LYPLA1: variants seen among roughly 807,000 people sequenced by gnomAD.
The protein encoded by LYPLA1 is acyl-protein thioesterase 1.
LYPLA1 carries 17 observed loss-of-function variants against 34.0 expected under a neutral mutation model. The observed-to-expected ratio is 0.50, with a 90% CI of 0.34 to 0.75. The LOEUF (loss-of-function observed/expected upper bound fraction) is 0.75. LYPLA1 is among the 30% of genes least tolerant of loss of function. The pLI, the probability that LYPLA1 is intolerant of heterozygous loss-of-function variation, is 0.01. For synonymous variants in LYPLA1, 98 were observed against 100.8 expected (o/e 0.97, Z 0.17); for missense variants, 203 against 288.8 (o/e 0.70, Z 2.15).
At chr8:54,049,530 T>C (rs897580521) in intron 8 of LYPLA1, among the ~76,000 whole-genome samples, 2 of 152,134 alleles carry the variant, frequency 1.3e-5, no homozygotes, top group South Asian at 4.1e-4. Flanking sequence ...TCTAGAGTAA[T>C]TGGAACCACA....
chr8:54,055,402 C>T (rs185740945), intron 5 of LYPLA1, among the ~76,000 whole-genome samples: 5 of 152,056 alleles, frequency 3.3e-5, no homozygotes, highest in East Asian at 1.9e-4. Flanking sequence ...AAGAAGTGAA[C>T]GGTCTCTATA....
At chr8:54,067,322 C>G (rs562875639) in intron 2 of LYPLA1, among the ~76,000 whole-genome samples, 1 of 152,136 alleles carries the variant, frequency 6.6e-6, no homozygotes, top group East Asian at 1.9e-4. Flanking sequence ...ATAGTAAGAC[C>G]CACTCTACAG....
intron 2 of LYPLA1, among the ~76,000 whole-genome samples, chr8:54,071,649 A>T (rs1013299036): frequency 6.6e-6 from 1 of 152,184 alleles, no homozygotes; most frequent in African/African-American, 2.4e-5. Flanking sequence ...CCACAAAAAG[A>T]ATAAAATACC....
chr8:54,045,117 T>G (rs141019327), downstream of LYPLA1, among the ~76,000 whole-genome samples: 28 of 152,348 alleles, frequency 1.8e-4, no homozygotes, highest in East Asian at 5.4e-3. Context: ...AGTTTCCTTC[T>G]CTAGAGTTTC....
intron 2 of LYPLA1, among the ~76,000 whole-genome samples, chr8:54,070,344 A>G (rs1424627005): frequency 1.3e-5 from 2 of 152,130 alleles, no homozygotes; most frequent in African/African-American, 2.4e-5. Context: ...CAACAACAAA[A>G]AACTTGTACA....
rs36051350 is a variant in LYPLA1, at chr8:54,095,034, A to AT, written c.101+5873dup. On this transcript the variant is annotated intron_variant, in intron 2 of 8. Transcript: ENST00000316963. ...TAAATAATAAATCCAGAATAAAGGA[A>AT]TTTTTTTTTTTTTTGAGACTGAGTC... 4.5e-3 allele frequency among the ~76,000 whole-genome samples: 656 copies of AT among 146,522 alleles called. 3 individuals are homozygous for AT. The highest frequency in any genetic ancestry group is 0.011 in the African/African-American group (447 of 40,294).
chr8:54,096,261 TA>T (rs1484558825), intron 2 of LYPLA1, among the ~76,000 whole-genome samples: 1 of 152,190 alleles, frequency 6.6e-6, no homozygotes, highest in African/African-American at 2.4e-5. Flanking sequence ...AATGAAAAGT[TA>T]AAAAGTTTAA....
At chr8:54,057,613 CTG>C (rs1806300253) in intron 5 of LYPLA1, among the ~76,000 whole-genome samples, 1 of 152,068 alleles carries the variant, frequency 6.6e-6, no homozygotes, top group African/African-American at 2.4e-5. Flanking sequence ...CTAAAACTAA[CTG>C]AACTAACAGA....
At chr8:54,095,574 T>A (rs1035927063) in intron 2 of LYPLA1, among the ~76,000 whole-genome samples, 4 of 152,204 alleles carry the variant, frequency 2.6e-5, no homozygotes, top group African/African-American at 7.2e-5. Flanking sequence ...AGACACCATC[T>A]TAACCAAGTG....
chr8:54,052,794 T>C (rs16919924), intron 6 of LYPLA1, 38 bp from the exon 7 acceptor site: 55,228 of 1,294,454 alleles, frequency 0.043, 6,369 homozygotes, highest in African/African-American at 0.41. Context: ...GGAACACACA[T>C]GCTTGCCCAC....
intron 2 of LYPLA1, among the ~76,000 whole-genome samples, chr8:54,074,693 C>T (rs1324574750): frequency 6.6e-6 from 1 of 152,222 alleles, no homozygotes; most frequent in African/African-American, 2.4e-5. Context: ...CAGCGATGCC[C>T]AACTTACCAA....
chr8:54,092,359 G>GGAGGAGGAAGAGGAGGAGAAT (rs1809363314), intron 2 of LYPLA1, among the ~76,000 whole-genome samples: 2 of 151,710 alleles, frequency 1.3e-5, no homozygotes, highest in Non-Finnish European at 2.9e-5. Flanking sequence ...AGGAGGAGAA[G>GGAGGAGGAAGAGGAGGAGAAT]GAGAAGGAAG....
At chr8:54,069,477 G>A (rs1482716800) in intron 2 of LYPLA1, among the ~76,000 whole-genome samples, 6 of 152,140 alleles carry the variant, frequency 3.9e-5, no homozygotes, top group Admixed American at 1.3e-4. Context: ...ACTTTGGGAG[G>A]CCAAGGCGGG....
intron 5 of LYPLA1, among the ~76,000 whole-genome samples, chr8:54,057,656 AGGCTGG>A (rs1806306474): frequency 6.6e-6 from 1 of 152,200 alleles, no homozygotes; most frequent in South Asian, 2.1e-4. Flanking sequence ...TGGTTATCAG[AGGCTGG>A]AAGGGTAGAA....
chr8:54,091,946 G>A (rs887950387), intron 2 of LYPLA1, among the ~76,000 whole-genome samples: 3 of 151,424 alleles, frequency 2.0e-5, no homozygotes, highest in African/African-American at 4.9e-5. Flanking sequence ...AAAATAGCCA[G>A]GCATGGTGGC....
chr8:54,101,665 C>G, intron 1 of LYPLA1, 90 bp downstream of exon 1: 3 of 1,178,236 alleles, frequency 2.5e-6, no homozygotes, highest in Non-Finnish European at 3.2e-6. Context: ...CCGCAGGCCG[C>G]CACGCGCCCG....
Position 54,101,943 on chromosome 8 carries a change from C to A in LYPLA1, c.-120G>T. On this transcript the variant is annotated 5_prime_UTR_variant, in exon 1 of 9. Transcript: ENST00000316963. ...GGGCGCACGCTCAGGCGCGTGCGCG[C>A]CAACGCGGCCCCGCGCTACCTTCCG... The A allele has an allele frequency of 2.8e-6, 1 of 362,582 alleles. No homozygotes were observed. The allele number at this position is 362,582 out of a possible 1,614,324, so 22.5% of individuals were successfully genotyped here. A position where few individuals can be genotyped will look rare whatever the true frequency, so the allele number is the denominator to read the frequency against.
chr8:54,044,433 A>C (rs1805432734), downstream of LYPLA1, among the ~76,000 whole-genome samples: 1 of 152,182 alleles, frequency 6.6e-6, no homozygotes, highest in African/African-American at 2.4e-5. Context: ...GTGTGTTGAC[A>C]GACCACATAA....
intron 2 of LYPLA1, among the ~76,000 whole-genome samples, chr8:54,070,492 G>T (rs537543852): frequency 3.3e-5 from 5 of 152,312 alleles, no homozygotes; most frequent in African/African-American, 1.2e-4. Flanking sequence ...GGGAGGCCAA[G>T]GCTGGCAGAT....
Sources: gnomAD v4.1 joint callset for allele counts (sites outside exome capture counted in the v4.1 genomes callset) on GRCh38, gnomAD v4.1.1 for gene constraint, MANE v1.5 for transcripts, NCBI Gene and HGNC (gene_info 2026-07-23, HGNC 2026-07-21) for gene names.